The following TMCC1 variants were observed in gnomAD, a reference collection of about 807,000 sequenced individuals.
TMCC1 encodes the protein transmembrane and coiled-coil domains protein 1.
In TMCC1, 15 loss-of-function variants were observed where a neutral mutation model predicts 52.4. That is an observed-to-expected ratio of 0.29 (90% CI 0.19 to 0.44). The LOEUF (loss-of-function observed/expected upper bound fraction) is 0.44. TMCC1 is among the 20% of genes least tolerant of loss of function. The pLI is 1.00. For missense variants in TMCC1, 503 were observed against 806.0 expected, an observed-to-expected ratio of 0.62 and a Z score of 4.55; for synonymous variants, 279 against 301.9, an observed-to-expected ratio of 0.92 and a Z score of 0.79.
chr3:129,771,674 C>T (rs1416506877), intron 4 of TMCC1, among the ~76,000 whole-genome samples: 1 of 143,822 alleles, frequency 7.0e-6, no homozygotes, highest in African/African-American at 2.5e-5. Context: ...ACTAGAGAGG[C>T]TAAGGTGAGA....
At chr3:129,850,400 T>A (rs1386116650) in intron 2 of TMCC1, among the ~76,000 whole-genome samples, 2 of 152,236 alleles carry the variant, frequency 1.3e-5, no homozygotes, top group Non-Finnish European at 2.9e-5. Context: ...AATTTCACAT[T>A]CTGTCTTCCT....
At chr3:129,776,544 C>A (rs1431697955) in intron 4 of TMCC1, among the ~76,000 whole-genome samples, 1 of 152,162 alleles carries the variant, frequency 6.6e-6, no homozygotes, top group African/African-American at 2.4e-5. Context: ...AGAAGAGGGG[C>A]ACCCAAATAG....
At chr3:129,734,514 C>G (rs80219343) in intron 4 of TMCC1, among the ~76,000 whole-genome samples, 1 of 151,980 alleles carries the variant, frequency 6.6e-6, no homozygotes, top group Non-Finnish European at 1.5e-5. Context: ...GGAGAAACCC[C>G]GTCACTACAA....
At chr3:129,790,893 A>T (rs1482907676) in intron 4 of TMCC1, among the ~76,000 whole-genome samples, 1 of 152,150 alleles carries the variant, frequency 6.6e-6, no homozygotes, top group East Asian at 1.9e-4. Flanking sequence ...ACGAAAACAA[A>T]TTTAATTATG....
At chr3:129,866,310 T>TATATTATATATACATATATACATA (rs2060636944) in intron 2 of TMCC1, among the ~76,000 whole-genome samples, 2 of 144,420 alleles carry the variant, frequency 1.4e-5, no homozygotes, top group Non-Finnish European at 3.0e-5. Flanking sequence ...AATATATACA[T>TATATTATATATACATATATACATA]ATATTATATA....
rs1022696250 is a variant in TMCC1 at position 129,693,022 on chromosome 3, T to G, written c.577-21758A>C. On this transcript the variant is annotated intron_variant, in intron 4 of 6. Transcript: ENST00000393238. ...CATGCCCAGCTAATTTTTGTATTTT[T>G]TTGTGGAGATGGGGTTTCAGCATGT... 4.6e-5 allele frequency among the ~76,000 whole-genome samples: 7 copies of G among 152,100 alleles called. No individual in the cohort carries two copies. In the East Asian group the frequency reaches 1.4e-3, roughly 29 times the overall value.
At chr3:129,762,925 G>A (rs368099506) in intron 4 of TMCC1, among the ~76,000 whole-genome samples, 8 of 151,732 alleles carry the variant, frequency 5.3e-5, no homozygotes, top group Non-Finnish European at 1.0e-4. Context: ...TAGGCCGGGC[G>A]CGGTGGCTCA....
At chr3:129,800,952 GAAT>G (rs937183182) in intron 4 of TMCC1, among the ~76,000 whole-genome samples, 2 of 136,878 alleles carry the variant, frequency 1.5e-5, no homozygotes, top group African/African-American at 5.5e-5. Flanking sequence ...TTTTGAGATG[GAAT>G]CTCGCTTGCC....
In TMCC1 at chr3:129,671,137, G is replaced by A. The variant is rs1051307043; in HGVS notation, c.704C>T (p.Ala235Val). ...PDPQRTKAAI[A>V]HLQQKILKLT... ...CTTCAGGATCTTCTGCTGCAGGTGA[G>A]CAATGGCAGCCTTTGTGCGCTGAGG... Residue 235 changes from alanine to valine, a missense_variant, in exon 5 of 7, where the codon GCT becomes GTT. Physicochemically the swap from Ala to Val is moderately conservative, Grantham distance 64. Around this residue, in one of 7 missense-constraint regions of TMCC1, gnomAD observed 73 missense variants for 182.9 expected, o/e 0.40. Transcript: ENST00000393238. The A allele has an allele frequency of 6.2e-7, 1 of 1,614,022 alleles. No individual in the cohort carries two copies. Among genetic ancestry groups the A allele is most frequent in the Non-Finnish European group, 8.5e-7 (1 of 1,180,032 alleles).
intron 4 of TMCC1, among the ~76,000 whole-genome samples, chr3:129,683,567 A>G (rs2089178796): frequency 6.6e-6 from 1 of 152,182 alleles, no homozygotes; most frequent in Admixed American, 6.5e-5. Context: ...CTACATGTCA[A>G]TAGGTTTTTA....
At chr3:129,780,348 G>T (rs887506574) in intron 4 of TMCC1, among the ~76,000 whole-genome samples, 7 of 151,962 alleles carry the variant, frequency 4.6e-5, no homozygotes, top group African/African-American at 1.7e-4. Context: ...TTCCTCTACT[G>T]AACCTATAGT....
At chr3:129,697,181 T>C (rs1237905219) in intron 4 of TMCC1, among the ~76,000 whole-genome samples, 4 of 152,234 alleles carry the variant, frequency 2.6e-5, no homozygotes, top group African/African-American at 7.2e-5. Flanking sequence ...CAGCAAACTT[T>C]TGCCTGGACA....
At chr3:129,709,879 A>G (rs957411782) in intron 4 of TMCC1, among the ~76,000 whole-genome samples, 1 of 151,958 alleles carries the variant, frequency 6.6e-6, no homozygotes, top group African/African-American at 2.4e-5. Context: ...CAAAATTCCC[A>G]GTGGATATTA....
intron 4 of TMCC1, among the ~76,000 whole-genome samples, chr3:129,774,060 T>C (rs192709726): frequency 1.3e-5 from 2 of 152,338 alleles, no homozygotes; most frequent in East Asian, 3.9e-4. Context: ...TGAGCATACC[T>C]CATGCTTTAA....
intron 4 of TMCC1, among the ~76,000 whole-genome samples, chr3:129,713,473 A>T (rs983473998): frequency 1.3e-5 from 2 of 152,328 alleles, no homozygotes; most frequent in South Asian, 2.1e-4. Flanking sequence ...TATAAAATGG[A>T]AAGGCAGCAT....
intron 4 of TMCC1, among the ~76,000 whole-genome samples, chr3:129,747,814 A>G (rs1366748311): frequency 2.0e-5 from 3 of 151,832 alleles, no homozygotes; most frequent in Non-Finnish European, 4.4e-5. Flanking sequence ...TCCCCCTCAC[A>G]TCCCCTGGGC....
chr3:129,820,861 C>T (rs1462891475), intron 4 of TMCC1, among the ~76,000 whole-genome samples: 1 of 152,196 alleles, frequency 6.6e-6, no homozygotes, highest in Non-Finnish European at 1.5e-5. Context: ...CAGCCAATTA[C>T]CTCTCACTTC....
chr3:129,826,711 TA>T (rs141428688), intron 4 of TMCC1, among the ~76,000 whole-genome samples: 22 of 144,018 alleles, frequency 1.5e-4, no homozygotes, highest in Admixed American at 5.6e-4. Flanking sequence ...TAATATCCAA[TA>T]AAAAAAAAAC....
In TMCC1 at chr3:129,662,057, T is replaced by G. The variant is rs540994886; in HGVS notation, c.1512-6954A>C. ...AGGGGAGAAAAAGGGAAGATACATG[T>G]TTTATAGACTTTCATATGTGAAAGT... On this transcript the variant is annotated intron_variant, in intron 5 of 6. Transcript: ENST00000393238. 2.0e-5 allele frequency among the ~76,000 whole-genome samples: 3 copies of G among 152,094 alleles called. No homozygotes were observed. The South Asian group carries it at 6.2e-4, about 32-fold the overall frequency.
Sources: gnomAD v4.1 joint callset for allele counts (sites outside exome capture counted in the v4.1 genomes callset) on GRCh38, gnomAD v4.1.1 for gene constraint, gnomAD v4.1.1 regional missense constraint, MANE v1.5 for transcripts, NCBI Gene and HGNC (gene_info 2026-07-23, HGNC 2026-07-21) for gene names.